The following FBXO4 variants were observed in gnomAD, a reference collection of about 807,000 sequenced individuals.
FBXO4 encodes the protein F-box only protein 4.
FBXO4 carries 36 observed loss-of-function variants against 43.7 expected under a neutral mutation model. That is an observed-to-expected ratio of 0.82 (90% confidence interval 0.63 to 1.09). The LOEUF (loss-of-function observed/expected upper bound fraction) is 1.09, where lower values mean the gene tolerates loss of function less well. FBXO4 is among the 50% of genes least tolerant of loss of function. FBXO4 has a pLI of 0.00. For missense variants in FBXO4, 435 were observed against 474.1 expected (o/e 0.92, Z 0.77); for synonymous variants, 180 against 165.6 (o/e 1.09, Z -0.67).
the FBXO4 span, among the ~76,000 whole-genome samples, chr5:42,020,030 A>G: frequency 6.6e-6 from 1 of 152,166 alleles, no homozygotes; most frequent in Non-Finnish European, 1.5e-5. Context: ...TTAATTTTAG[A>G]TACAGAAAAG....
chr5:41,928,195 T>C (rs1446675931), intron 2 of FBXO4, among the ~76,000 whole-genome samples: 1 of 152,214 alleles, frequency 6.6e-6, no homozygotes, highest in East Asian at 1.9e-4. Context: ...AGGCAATACC[T>C]GTACAATAGC....
chr5:42,004,025 C>G, the FBXO4 span, among the ~76,000 whole-genome samples: 1 of 152,118 alleles, frequency 6.6e-6, no homozygotes, highest in South Asian at 2.1e-4. Context: ...CACATATACA[C>G]CGTGGAATAT....
At chr5:41,979,813 G>A in the FBXO4 span, among the ~76,000 whole-genome samples, 6 of 152,150 alleles carry the variant, frequency 3.9e-5, no homozygotes, top group Non-Finnish European at 8.8e-5. Context: ...TCATCCTTCT[G>A]CTAAAGTGTA....
downstream of FBXO4, chr5:41,941,867 T>TA (rs1415590859): frequency 5.3e-5 from 8 of 152,218 alleles, no homozygotes; most frequent in Admixed American, 3.9e-4. Flanking sequence ...TGATAGTTCT[T>TA]ACTATTTTCA....
At chr5:42,005,191 G>A in the FBXO4 span, among the ~76,000 whole-genome samples, 4 of 152,098 alleles carry the variant, frequency 2.6e-5, no homozygotes, top group Non-Finnish European at 5.9e-5. Context: ...TTGCTGGAGA[G>A]GACTCATCTT....
chr5:41,962,228 T>A, the FBXO4 span, among the ~76,000 whole-genome samples: 68 of 152,336 alleles, frequency 4.5e-4, no homozygotes, highest in Non-Finnish European at 8.4e-4. Flanking sequence ...GAGAATGGGA[T>A]CTGTGCCTTC....
intron 5 of FBXO4, 25 bp from the exon 6 acceptor site, chr5:41,939,416 A>T: frequency 6.5e-7 from 1 of 1,549,940 alleles, no homozygotes; most frequent in Non-Finnish European, 8.7e-7. Context: ...AATGCAAATT[A>T]AGGGTTTTGA....
the FBXO4 span, among the ~76,000 whole-genome samples, chr5:42,037,831 A>T: frequency 6.6e-6 from 1 of 151,920 alleles, no homozygotes; most frequent in African/African-American, 2.4e-5. Context: ...AAAATCCACA[A>T]TCCCCTTAGA....
the FBXO4 span, among the ~76,000 whole-genome samples, chr5:42,014,426 A>G: frequency 6.6e-6 from 1 of 152,176 alleles, no homozygotes; most frequent in Non-Finnish European, 1.5e-5. Flanking sequence ...TTCACTGTGC[A>G]TATTCTGACA....
the FBXO4 span, among the ~76,000 whole-genome samples, chr5:41,999,766 T>G: frequency 6.6e-6 from 1 of 150,978 alleles, no homozygotes; most frequent in Non-Finnish European, 1.5e-5. Context: ...TCTTTTCACA[T>G]TTTTCTGCCT....
At chr5:41,987,963 G>A in the FBXO4 span, among the ~76,000 whole-genome samples, 1 of 152,120 alleles carries the variant, frequency 6.6e-6, no homozygotes, top group Non-Finnish European at 1.5e-5. Flanking sequence ...CAATGGCCCT[G>A]CCATATCTGA....
the FBXO4 span, among the ~76,000 whole-genome samples, chr5:41,994,020 A>G: frequency 1.3e-5 from 2 of 152,124 alleles, no homozygotes; most frequent in Non-Finnish European, 2.9e-5. Context: ...CTTCAATCCA[A>G]TCAAGTTGAC....
the FBXO4 span, among the ~76,000 whole-genome samples, chr5:42,004,467 G>T: frequency 1.3e-5 from 2 of 152,122 alleles, no homozygotes; most frequent in Non-Finnish European, 2.9e-5. Flanking sequence ...CTAAAATAAT[G>T]TATGTAATAC....
the FBXO4 span, among the ~76,000 whole-genome samples, chr5:42,035,553 G>A: frequency 6.6e-6 from 1 of 152,060 alleles, no homozygotes; most frequent in African/African-American, 2.4e-5. Context: ...TATTGTCATT[G>A]GCATTGGATT....
At chr5:42,029,591 G>A in the FBXO4 span, among the ~76,000 whole-genome samples, 2 of 151,788 alleles carry the variant, frequency 1.3e-5, no homozygotes, top group Non-Finnish European at 2.9e-5. Context: ...GCCATCTTGA[G>A]GCTATTTTAT....
chr5:42,028,714 G>C, the FBXO4 span, among the ~76,000 whole-genome samples: 2 of 150,914 alleles, frequency 1.3e-5, no homozygotes, highest in Non-Finnish European at 3.0e-5. Context: ...TTTGGCTTGA[G>C]GTTACCATGA....
the FBXO4 span, among the ~76,000 whole-genome samples, chr5:42,008,890 G>A: frequency 1.3e-5 from 2 of 152,106 alleles, no homozygotes; most frequent in Admixed American, 1.3e-4. Flanking sequence ...CTTAGGCCAG[G>A]CAAGGGGTTT....
At chr5:41,965,354 C>A in the FBXO4 span, among the ~76,000 whole-genome samples, 13 of 152,160 alleles carry the variant, frequency 8.5e-5, no homozygotes, top group Admixed American at 7.9e-4. Flanking sequence ...TTAGGATTGA[C>A]TTGGCAATAT....
chr5:41,967,920 C>G, the FBXO4 span: 1 of 545,182 alleles, frequency 1.8e-6, no homozygotes, highest in Non-Finnish European at 3.7e-6. Flanking sequence ...CTGCAGCTGC[C>G]CTGGTTTTGT....
Sources: allele counts gnomAD v4.1 joint callset (sites outside exome capture counted in the v4.1 genomes callset), GRCh38; gene constraint gnomAD v4.1.1; transcripts MANE v1.5; gene names NCBI Gene and HGNC (gene_info 2026-07-23, HGNC 2026-07-21).